Variants in MCTP2 observed in about 807,000 individuals in gnomAD.
MCTP2 encodes the protein multiple C2 and transmembrane domain containing 2, also known as multiple C2 and transmembrane domain-containing protein 2.
Under a neutral mutation model 111.6 loss-of-function variants are expected in MCTP2, and 132 were observed. That is an observed-to-expected ratio of 1.18 (90% CI 1.03 to 1.37). MCTP2 has a LOEUF of 1.37. Ranked by LOEUF, MCTP2 falls within the 40% of genes most tolerant of loss-of-function variation. The pLI is 0.00. For synonymous variants in MCTP2, 395 were observed against 387.7 expected, an observed-to-expected ratio of 1.02 and a Z score of -0.22; for missense variants, 1,183 against 1,067.9, an observed-to-expected ratio of 1.11 and a Z score of -1.50.
intron 13 of MCTP2, among the ~76,000 whole-genome samples, chr15:94,384,854 A>G (rs953793354): frequency 2.0e-5 from 3 of 152,220 alleles, no homozygotes; most frequent in Non-Finnish European, 4.4e-5. Context: ...ATGGCCAGAT[A>G]TAAGAGTCTC....
Position 94,470,439 on chromosome 15 carries a change from TG to T in MCTP2, c.2470+1del. 1 of 1,601,174 alleles carries T rather than the reference TG, an allele frequency of 6.2e-7. No homozygotes were observed. Among genetic ancestry groups the T allele is most frequent in the South Asian group, 1.1e-5 (1 of 90,810 alleles). On this transcript the variant is annotated frameshift_variant and splice_region_variant, in exon 21 of 23. Transcript: ENST00000357742. LOFTEE classifies it high-confidence loss of function. The part of the protein sequence containing the change: ...FIPLRYIILI[W>X]GINKFTKKLR... The stretch of plus-strand genomic sequence containing the variant: ...TCCACTGCGGTACATCATTTTAATC[TG>T]GGGTAAGTTTGGAATGGTCCTTTTG...
chr15:94,468,015 A>G (rs1021335354), intron 20 of MCTP2, among the ~76,000 whole-genome samples: 22 of 152,222 alleles, frequency 1.4e-4, no homozygotes, highest in African/African-American at 5.3e-4. Context: ...AAATCTAGAC[A>G]TTGACAAGGA....
intron 20 of MCTP2, among the ~76,000 whole-genome samples, chr15:94,469,028 G>T (rs900173692): frequency 1.3e-5 from 2 of 152,114 alleles, no homozygotes; most frequent in Non-Finnish European, 2.9e-5. Context: ...GTCTTAATTT[G>T]CTCATCTATA....
intron 20 of MCTP2, among the ~76,000 whole-genome samples, chr15:94,467,777 A>G (rs529503636): frequency 6.6e-5 from 10 of 152,356 alleles, no homozygotes; most frequent in Admixed American, 3.3e-4. Context: ...TGTGGAGTTC[A>G]GATGATAACA....
At chr15:94,373,475 C>G (rs1049604674) in intron 12 of MCTP2, among the ~76,000 whole-genome samples, 1 of 152,056 alleles carries the variant, frequency 6.6e-6, no homozygotes, top group Admixed American at 6.6e-5. Context: ...GTCTTTAATT[C>G]TGTAATGTAT....
At chr15:94,289,553 CCTTT>C (rs1415048038) in intron 1 of MCTP2, among the ~76,000 whole-genome samples, 6 of 152,152 alleles carry the variant, frequency 3.9e-5, no homozygotes, top group South Asian at 4.1e-4. Context: ...AATACAATAG[CCTTT>C]CTATTTTAAT....
At chr15:94,449,890 A>T (rs886413878) in intron 19 of MCTP2, among the ~76,000 whole-genome samples, 1 of 152,230 alleles carries the variant, frequency 6.6e-6, no homozygotes. Context: ...GAAAACCATT[A>T]GCCTTGTTTA....
chr15:94,244,287 T>C (rs2071522058), intron 1 of MCTP2, among the ~76,000 whole-genome samples: 2 of 148,520 alleles, frequency 1.3e-5, no homozygotes, highest in South Asian at 2.1e-4. Context: ...TATATACACA[T>C]ACATATGTGT....
chr15:94,234,577 A>G (rs964195064), intron 1 of MCTP2, among the ~76,000 whole-genome samples: 2 of 152,072 alleles, frequency 1.3e-5, no homozygotes, highest in Non-Finnish European at 2.9e-5. Flanking sequence ...CTCATGCTCC[A>G]CTGAGCAGAG....
intron 8 of MCTP2, among the ~76,000 whole-genome samples, chr15:94,345,819 T>G (rs1219710542): frequency 1.3e-5 from 2 of 152,196 alleles, no homozygotes; most frequent in African/African-American, 2.4e-5. Context: ...GTAACTTAAT[T>G]TATAAATTAA....
intron 20 of MCTP2, 100 bp downstream of exon 20, chr15:94,458,346 T>TA: frequency 1.4e-6 from 1 of 737,326 alleles, no homozygotes; most frequent in Non-Finnish European, 2.4e-6. Context: ...GGCAAGAAAA[T>TA]ACAAAAACAC....
At chr15:94,416,603 A>C (rs938005506) in intron 17 of MCTP2, among the ~76,000 whole-genome samples, 2 of 152,202 alleles carry the variant, frequency 1.3e-5, no homozygotes, top group Non-Finnish European at 2.9e-5. Flanking sequence ...GCCCACATGA[A>C]GAACAGGCCC....
intron 7 of MCTP2, 166 bp downstream of exon 7, chr15:94,341,090 C>T (rs2077616264): frequency 5.6e-6 from 3 of 538,124 alleles, no homozygotes; most frequent in South Asian, 5.5e-5. Context: ...TAATACAATG[C>T]TCTTCTTTGA....
intron 20 of MCTP2, among the ~76,000 whole-genome samples, chr15:94,464,257 T>TATATATATATA (rs4001978): frequency 2.9e-4 from 13 of 44,944 alleles, no homozygotes; most frequent in African/African-American, 7.2e-4. Flanking sequence ...TATATATATA[T>TATATATATATA]TATATATATA....
At chr15:94,294,387 C>A (rs1303904120) in intron 1 of MCTP2, among the ~76,000 whole-genome samples, 2 of 152,124 alleles carry the variant, frequency 1.3e-5, no homozygotes, top group East Asian at 3.8e-4. Context: ...AAAGTCATTT[C>A]TTAACAAAAC....
intron 19 of MCTP2, among the ~76,000 whole-genome samples, chr15:94,455,456 T>A (rs2084762845): frequency 6.6e-6 from 1 of 152,086 alleles, no homozygotes; most frequent in Admixed American, 6.5e-5. Context: ...TTTTTTTTTT[T>A]TAGACGGAGT....
chr15:94,244,858 A>G (rs2071651819), intron 1 of MCTP2, among the ~76,000 whole-genome samples: 1 of 112,770 alleles, frequency 8.9e-6, no homozygotes, highest in African/African-American at 2.9e-5. Flanking sequence ...ATGTATACAC[A>G]TACATATGCA....
chr15:94,337,556 C>G (rs2077421963), intron 4 of MCTP2, among the ~76,000 whole-genome samples: 1 of 144,652 alleles, frequency 6.9e-6, no homozygotes, highest in Admixed American at 7.1e-5. Context: ...GTGTTCTCTT[C>G]TGCTGTAGGA....
chr15:94,434,586 T>C (rs1391128892), intron 17 of MCTP2, among the ~76,000 whole-genome samples: 1 of 152,174 alleles, frequency 6.6e-6, no homozygotes, highest in Non-Finnish European at 1.5e-5. Flanking sequence ...CCCATACATA[T>C]ATCCAGTTGT....
Sources: gnomAD v4.1 joint callset for allele counts (sites outside exome capture counted in the v4.1 genomes callset) on GRCh38, gnomAD v4.1.1 for gene constraint, MANE v1.5 for transcripts, NCBI Gene and HGNC (gene_info 2026-07-23, HGNC 2026-07-21) for gene names.